Variants in ARHGAP32 observed in about 807,000 individuals in gnomAD.
ARHGAP32 encodes the protein rho GTPase-activating protein 32.
A neutral mutation model predicts 186.5 loss-of-function variants in ARHGAP32; 51 were observed. The observed-to-expected ratio is 0.27, with a 90% CI of 0.22 to 0.35. ARHGAP32 has a LOEUF of 0.35. ARHGAP32 is among the 10% of genes least tolerant of loss of function. The probability of loss-of-function intolerance (pLI) is 1.00; values close to 1 mark genes in which losing one functional copy is unlikely to be tolerated. For missense variants in ARHGAP32, 2,186 were observed against 2,623.5 expected, an observed-to-expected ratio of 0.83 and a Z score of 3.64; for synonymous variants, 950 against 964.3, an observed-to-expected ratio of 0.99 and a Z score of 0.27.
intron 2 of ARHGAP32, among the ~76,000 whole-genome samples, chr11:129,125,183 A>C (rs1310673511): frequency 6.6e-6 from 1 of 152,102 alleles, no homozygotes; most frequent in Non-Finnish European, 1.5e-5. Context: ...ATACGAATTA[A>C]AATTTCCCCT....
chr11:129,140,195 G>C (rs1943022064), intron 2 of ARHGAP32, among the ~76,000 whole-genome samples: 1 of 152,048 alleles, frequency 6.6e-6, no homozygotes, highest in South Asian at 2.1e-4. Context: ...GCCCCTAAAA[G>C]TTATGCCACC....
intron 1 of ARHGAP32, among the ~76,000 whole-genome samples, chr11:129,245,652 A>T (rs529865511): frequency 8.1e-6 from 1 of 123,286 alleles, no homozygotes; most frequent in African/African-American, 3.0e-5. Context: ...TTATCAACAG[A>T]TTAAAATAAT....
In ARHGAP32 at chr11:129,197,594, G is replaced by A. The variant is rs116190327; in HGVS notation, c.-4-33167C>T. Among the ~76,000 whole-genome samples the A allele has an allele frequency of 5.8e-3, 884 of 152,176 alleles. 6 individuals are homozygous for A. Among genetic ancestry groups the A allele is most frequent in the African/African-American group, 0.02 (847 of 41,516 alleles). On this transcript the variant is annotated intron_variant, in intron 1 of 6. Coordinates refer to the ARHGAP32 transcript ENST00000525234. ...TGTATTCTAAATGTGAATAATGTGT[G>A]CTCTGTGTAATATATATGTATGTAT...
At chr11:129,081,184 AAAG>A (rs1288756619) in intron 6 of ARHGAP32, among the ~76,000 whole-genome samples, 2 of 152,174 alleles carry the variant, frequency 1.3e-5, no homozygotes, top group Admixed American at 6.5e-5. Flanking sequence ...TTAGACATTC[AAAG>A]AAGAACTGGT....
chr11:129,178,216 C>T (rs1943603919), intron 1 of ARHGAP32, among the ~76,000 whole-genome samples: 1 of 151,922 alleles, frequency 6.6e-6, no homozygotes, highest in Admixed American at 6.6e-5. Context: ...AATAAAATAC[C>T]TAGGAATCCA....
Position 129,216,691 on chromosome 11 carries a change from A to AAG in ARHGAP32, c.-4-52265_-4-52264insCT, listed in dbSNP as rs1555113817. 1.1e-3 allele frequency among the ~76,000 whole-genome samples: 153 copies of AAG among 143,630 alleles called. 1 individual carries two copies. The highest frequency in any genetic ancestry group is 2.8e-3 in the East Asian group (14 of 4,954). The allele number at this position is 143,630 out of a possible 152,430, so 94.2% of individuals were successfully genotyped here. ...CTTTAAAAAAAAAAAAAAAAAAAAA[A>AAG]AAGACAATCTTTCAGATTTTAGCTG... On this transcript the variant is annotated intron_variant, in intron 1 of 6. Transcript: ENST00000525234.
intron 2 of ARHGAP32, among the ~76,000 whole-genome samples, chr11:129,132,315 C>A (rs1337686964): frequency 6.6e-6 from 1 of 152,076 alleles, no homozygotes; most frequent in Non-Finnish European, 1.5e-5. Flanking sequence ...CCCATCTCTA[C>A]AGAAATATTT....
chr11:129,061,802 G>A (rs1202798173), intron 10 of ARHGAP32, among the ~76,000 whole-genome samples: 1 of 152,150 alleles, frequency 6.6e-6, no homozygotes, highest in Non-Finnish European at 1.5e-5. Flanking sequence ...CCATGGAAAG[G>A]GAAACCGTAG....
At chr11:129,044,051 A>C (rs1185775281) in intron 10 of ARHGAP32, among the ~76,000 whole-genome samples, 1 of 151,842 alleles carries the variant, frequency 6.6e-6, no homozygotes, top group Non-Finnish European at 1.5e-5. Context: ...GTTTTATATT[A>C]AACAAGTTTT....
At chr11:128,987,385 T>C (rs1179752437) in intron 13 of ARHGAP32, among the ~76,000 whole-genome samples, 2 of 152,210 alleles carry the variant, frequency 1.3e-5, no homozygotes, top group Non-Finnish European at 2.9e-5. Context: ...GACTAATTTA[T>C]GTATTTTTCA....
intron 1 of ARHGAP32, among the ~76,000 whole-genome samples, chr11:129,226,660 T>C (rs1267023678): frequency 6.6e-6 from 1 of 152,090 alleles, no homozygotes; most frequent in African/African-American, 2.4e-5. Context: ...TATCAGTCAT[T>C]ACGTTAAATG....
At chr11:128,973,889 C>A in intron 21 of ARHGAP32, 1 of 555,710 alleles carries the variant, frequency 1.8e-6, no homozygotes, top group Non-Finnish European at 3.1e-6. Flanking sequence ...TTCTCACCGT[C>A]CAAAGAGATA....
At chr11:129,245,765 T>G (rs1164069459) in intron 1 of ARHGAP32, among the ~76,000 whole-genome samples, 3 of 151,720 alleles carry the variant, frequency 2.0e-5, no homozygotes, top group Non-Finnish European at 4.4e-5. Flanking sequence ...TTTCCCATTC[T>G]CCTGGTTCAA....
chr11:129,012,472 C>G (rs899400545), intron 11 of ARHGAP32, among the ~76,000 whole-genome samples: 19 of 152,036 alleles, frequency 1.2e-4, no homozygotes, highest in Non-Finnish European at 2.6e-4. Flanking sequence ...ATCTTGGGTG[C>G]TAAATAAAAT....
chr11:129,127,384 T>C lies in ARHGAP32; in HGVS notation c.226-2490A>G, dbSNP rs80105961. ...AAGCTTCAGAGGATTCAAGAAAATA[T>C]GTTTGAACCAATAGTTCAACTAGTC... On this transcript the variant is annotated intron_variant, in intron 2 of 22. Coordinates refer to ENST00000682385, the MANE Select transcript of ARHGAP32 (RefSeq NM_001378024.1). 3.2e-3 allele frequency among the ~76,000 whole-genome samples: 480 copies of C among 152,322 alleles called. 3 individuals are homozygous for C. Among genetic ancestry groups the C allele is most frequent in the Middle Eastern group, 0.01 (3 of 294 alleles).
intron 1 of ARHGAP32, among the ~76,000 whole-genome samples, chr11:129,240,309 A>G (rs569541882): frequency 6.6e-6 from 1 of 152,220 alleles, no homozygotes; most frequent in African/African-American, 2.4e-5. Flanking sequence ...CTTACTAGCT[A>G]TATGACCTTG....
chr11:129,126,971 C>A (rs192285064), intron 2 of ARHGAP32, among the ~76,000 whole-genome samples: 1 of 152,212 alleles, frequency 6.6e-6, no homozygotes, highest in Non-Finnish European at 1.5e-5. Context: ...TTTCACTACT[C>A]TGTATTGTTC....
At chr11:129,014,544 T>C (rs1345281960) in intron 11 of ARHGAP32, among the ~76,000 whole-genome samples, 1 of 152,216 alleles carries the variant, frequency 6.6e-6, no homozygotes, top group Non-Finnish European at 1.5e-5. Flanking sequence ...CCCAAGATAA[T>C]GGCCTCAGCA....
intron 1 of ARHGAP32, among the ~76,000 whole-genome samples, chr11:129,257,741 AAC>A (rs1271504014): frequency 1.3e-5 from 2 of 151,604 alleles, no homozygotes; most frequent in African/African-American, 2.4e-5. Context: ...TTAAATCCTA[AAC>A]AGAGTACTTA....
Sources: gnomAD v4.1 joint callset for allele counts (sites outside exome capture counted in the v4.1 genomes callset) on GRCh38, gnomAD v4.1.1 for gene constraint, MANE v1.5 for transcripts, NCBI Gene and HGNC (gene_info 2026-07-23, HGNC 2026-07-21) for gene names.